The following XIRP2 variants were observed in gnomAD, a reference collection of about 807,000 sequenced individuals.
The protein encoded by XIRP2 is xin actin-binding repeat-containing protein 2.
In XIRP2, 236 loss-of-function variants were observed where a neutral mutation model predicts 277.0. The observed-to-expected ratio is 0.85, with a 90% CI of 0.77 to 0.95. The LOEUF (loss-of-function observed/expected upper bound fraction) is 0.95. Among genes scored for constraint, XIRP2 ranks in the 40% least tolerant of loss-of-function variants. XIRP2 has a pLI of 0.00. For missense variants in XIRP2, 4,640 were observed against 4,157.5 expected, an observed-to-expected ratio of 1.12 and a Z score of -3.19; for synonymous variants, 1,490 against 1,416.5, an observed-to-expected ratio of 1.05 and a Z score of -1.17.
chr2:167,170,364 T>A (rs997181875), intron 3 of XIRP2, among the ~76,000 whole-genome samples: 4 of 152,202 alleles, frequency 2.6e-5, no homozygotes, highest in East Asian at 3.9e-4. Flanking sequence ...CTGAAAAAAA[T>A]TTTAGGAAAT....
At chr2:166,972,002 A>G (rs963577744) in intron 2 of XIRP2, among the ~76,000 whole-genome samples, 1 of 152,236 alleles carries the variant, frequency 6.6e-6, no homozygotes, top group South Asian at 2.1e-4. Context: ...CCAAACTCCT[A>G]TGTTGAGGTC....
intron 3 of XIRP2, among the ~76,000 whole-genome samples, chr2:167,180,553 A>T (rs1692982890): frequency 6.6e-6 from 1 of 151,952 alleles, no homozygotes. Context: ...TCGTTATTTT[A>T]TTTCATTTTA....
chr2:167,088,810 G>A (rs1338347271), intron 2 of XIRP2, among the ~76,000 whole-genome samples: 2 of 152,036 alleles, frequency 1.3e-5, no homozygotes, highest in South Asian at 2.1e-4. Flanking sequence ...CATCTTTCAT[G>A]TTTAGCTTAT....
At chr2:167,045,957 T>C (rs927492266) in intron 2 of XIRP2, among the ~76,000 whole-genome samples, 3 of 152,004 alleles carry the variant, frequency 2.0e-5, no homozygotes, top group African/African-American at 7.2e-5. Flanking sequence ...TTTTGAAGTA[T>C]GTTACTTTGA....
Position 167,218,248 on chromosome 2 carries a change from C to T in XIRP2, c.806C>T (p.Ser269Phe). 1 of 1,608,338 alleles carries T rather than the reference C, an allele frequency of 6.2e-7. No homozygotes were observed. The highest frequency in any genetic ancestry group is 8.5e-7 in the Non-Finnish European group (1 of 1,177,414). The change falls in exon 5 of 11, where the codon TCC (serine) becomes TTC (phenylalanine). Residue 269 changes from serine (S) to phenylalanine (F), a missense_variant. Physicochemically the swap from Ser to Phe is radical, Grantham distance 155. Coordinates refer to ENST00000409195, the MANE Select transcript of XIRP2 (RefSeq NM_152381.6). ...KKQFEDEITS[S>F]RNTFAQYQYQ... ...CAATTTGAGGACGAAATTACTTCTT[C>T]CCGTAATACCTTTGCTCAATACCAA... is the stretch of plus-strand genomic sequence containing the variant.
intron 2 of XIRP2, among the ~76,000 whole-genome samples, chr2:167,071,516 A>T (rs1320457675): frequency 6.6e-6 from 1 of 152,150 alleles, no homozygotes; most frequent in Non-Finnish European, 1.5e-5. Context: ...ACCTTATGGG[A>T]GCAAACTCGT....
At chr2:167,090,190 A>G (rs1020040325) in intron 2 of XIRP2, among the ~76,000 whole-genome samples, 17 of 152,120 alleles carry the variant, frequency 1.1e-4, no homozygotes, top group Admixed American at 1.3e-4. Flanking sequence ...CCAGATTAAA[A>G]CATGCATTCT....
intron 2 of XIRP2, among the ~76,000 whole-genome samples, chr2:166,942,665 C>A (rs1481075290): frequency 6.6e-6 from 1 of 152,108 alleles, no homozygotes; most frequent in Non-Finnish European, 1.5e-5. Context: ...TAAACAATTA[C>A]CAAGAGTAGG....
At chr2:167,041,994 A>G (rs1688669980) in intron 2 of XIRP2, among the ~76,000 whole-genome samples, 1 of 152,202 alleles carries the variant, frequency 6.6e-6, no homozygotes, top group Non-Finnish European at 1.5e-5. Context: ...TGGAAATTTC[A>G]GCAGAAACTT....
chr2:167,244,568 T>C lies in XIRP2; in HGVS notation c.3176T>C (p.Phe1059Ser). The change falls in exon 9 of 11, where the codon TTT becomes TCT. Residue 1059 changes from phenylalanine to serine, a missense_variant. Coordinates refer to ENST00000409195, the MANE Select transcript of XIRP2 (RefSeq NM_152381.6). The stretch of plus-strand genomic sequence containing the variant: ...AATGTGAAATCTGCCAAATGGTTGT[T>C]TGAAACCCAACCTCTTGATTCAATT... ...TGNVKSAKWL[F>S]ETQPLDSIKY... 6.2e-7 allele frequency: 1 copy of C among 1,612,756 alleles called. No homozygotes were observed. Among genetic ancestry groups the C allele is most frequent in the Non-Finnish European group, 8.5e-7 (1 of 1,179,494 alleles).
chr2:167,121,469 C>A (rs1374577027), intron 2 of XIRP2, among the ~76,000 whole-genome samples: 1 of 152,124 alleles, frequency 6.6e-6, no homozygotes, highest in Non-Finnish European at 1.5e-5. Context: ...TCTTAAATGG[C>A]ACGTCAGTTT....
At chr2:167,182,215 G>T (rs1693035923) in intron 3 of XIRP2, among the ~76,000 whole-genome samples, 1 of 152,000 alleles carries the variant, frequency 6.6e-6, no homozygotes, top group Non-Finnish European at 1.5e-5. Flanking sequence ...TACCTACAAG[G>T]GTCAAAGCAG....
chr2:166,935,508 C>A (rs1048586339), intron 2 of XIRP2, among the ~76,000 whole-genome samples: 2 of 152,118 alleles, frequency 1.3e-5, no homozygotes, highest in African/African-American at 4.8e-5. Flanking sequence ...TGGTATGCTG[C>A]ACCCATTAAC....
intron 1 of XIRP2, among the ~76,000 whole-genome samples, chr2:166,893,465 C>T (rs1052305528): frequency 2.0e-5 from 3 of 152,076 alleles, no homozygotes; most frequent in Admixed American, 6.6e-5. Context: ...AATTTTATAT[C>T]ATATACTGAT....
In XIRP2 at chr2:167,251,236, C is replaced by T. The variant is rs758150973; in HGVS notation, c.9844C>T (p.His3282Tyr). Residue 3282 changes from histidine to tyrosine, a missense_variant, in exon 9 of 11, where the codon CAC (histidine) becomes TAC (tyrosine). By Grantham distance (83) the His-to-Tyr change is moderately conservative (BLOSUM62 2). Transcript: ENST00000409195. ...TAAAGATGGACTAAATTCCACTGAT[C>T]ACATGGTGCCCGACACTGAAAGTTA... ...VHKDGLNSTD[H>Y]MVPDTESYDA... The T allele has an allele frequency of 6.2e-7, 1 of 1,613,582 alleles. No homozygotes were observed. The highest frequency in any genetic ancestry group is 1.1e-5 in the South Asian group (1 of 91,066).
intron 3 of XIRP2, among the ~76,000 whole-genome samples, chr2:167,172,359 A>C (rs1248506345): frequency 6.6e-6 from 1 of 152,194 alleles, no homozygotes; most frequent in Non-Finnish European, 1.5e-5. Flanking sequence ...TAAAATTGCT[A>C]ATGAAGTTTC....
chr2:167,243,994 A>C lies in XIRP2; in HGVS notation c.2602A>C (p.Ile868Leu). 1 of 1,614,050 alleles carries C rather than the reference A, an allele frequency of 6.2e-7. No individual in the cohort carries two copies. Among genetic ancestry groups the C allele is most frequent in the South Asian group, 1.1e-5 (1 of 91,084 alleles). Residue 868 changes from isoleucine to leucine, a missense_variant, in exon 9 of 11, where the codon ATA becomes CTA. Transcript: ENST00000409195. ...DADSLQREEI[I>L]GGDVQTTKHL... Reference sequence around the variant, plus strand: ...AGATTCTCTACAACGTGAGGAGATAATAGGTGGTGATGTACAAACTACTAA... The same window carrying C: ...AGATTCTCTACAACGTGAGGAGATACTAGGTGGTGATGTACAAACTACTAA...
In XIRP2 at chr2:167,249,238, A is replaced by G; in HGVS notation, c.7846A>G (p.Ser2616Gly). 6.2e-7 allele frequency: 1 copy of G among 1,613,748 alleles called. No individual in the cohort carries two copies. Among genetic ancestry groups the G allele is most frequent in the Non-Finnish European group, 8.5e-7 (1 of 1,179,762 alleles). The change falls in exon 9 of 11, where the codon AGT becomes GGT. Residue 2616 changes from serine to glycine, a missense_variant. Coordinates refer to ENST00000409195, the MANE Select transcript of XIRP2 (RefSeq NM_152381.6). ...GGTTCAACCCAGCCCAGGCTCTCAA[A>G]GTAATGCTCGGATACTAGGAGTGTG... is the stretch of plus-strand genomic sequence containing the variant. ...TVVQPSPGSQ[S>G]NARILGVCSD...
intron 2 of XIRP2, among the ~76,000 whole-genome samples, chr2:166,910,151 C>T (rs1684659168): frequency 6.6e-6 from 1 of 152,186 alleles, no homozygotes; most frequent in Non-Finnish European, 1.5e-5. Flanking sequence ...AGGATTCCCT[C>T]TTTTTCTATT....
Sources: allele counts gnomAD v4.1 joint callset (sites outside exome capture counted in the v4.1 genomes callset), GRCh38; gene constraint gnomAD v4.1.1; transcripts MANE v1.5; gene names NCBI Gene and HGNC (gene_info 2026-07-23, HGNC 2026-07-21).